Variants in POLN observed in about 807,000 individuals in gnomAD.
POLN encodes the protein DNA polymerase nu.
POLN carries 108 observed loss-of-function variants against 113.5 expected under a neutral mutation model. The ratio of observed to expected loss-of-function variants is 0.95; its 90% CI spans 0.81 to 1.12. The LOEUF (loss-of-function observed/expected upper bound fraction) is 1.12. Among genes scored for constraint, POLN ranks in the 50% most tolerant of loss-of-function variants. POLN has a pLI of 0.00. For synonymous variants in POLN, 386 were observed against 391.5 expected (o/e 0.99, Z 0.17); for missense variants, 1,097 against 1,077.1 (o/e 1.02, Z -0.26).
intron 2 of POLN, among the ~76,000 whole-genome samples, chr4:2,232,687 G>A (rs1734625808): frequency 6.6e-6 from 1 of 152,004 alleles, no homozygotes; most frequent in African/African-American, 2.4e-5. Flanking sequence ...GACATTCCAC[G>A]AAAACCATCC....
intron 14 of POLN, 119 bp downstream of exon 14, chr4:2,159,036 T>C: frequency 2.5e-6 from 2 of 784,968 alleles, no homozygotes; most frequent in Non-Finnish European, 4.4e-6. Flanking sequence ...CAAAACTCTA[T>C]TCCCCTGAGA....
chr4:2,091,854 C>G (rs1730674785), intron 20 of POLN, among the ~76,000 whole-genome samples: 1 of 152,110 alleles, frequency 6.6e-6, no homozygotes. Context: ...CCTTCACTCC[C>G]TTTTCTCCGA....
chr4:2,131,998 C>T (rs1259705825), intron 16 of POLN, among the ~76,000 whole-genome samples: 1 of 152,192 alleles, frequency 6.6e-6, no homozygotes, highest in African/African-American at 2.4e-5. Flanking sequence ...GGTCTTGACT[C>T]CCTGGCTAAA....
intron 16 of POLN, among the ~76,000 whole-genome samples, chr4:2,136,182 T>C (rs1731852982): frequency 6.6e-6 from 1 of 152,206 alleles, no homozygotes; most frequent in Non-Finnish European, 1.5e-5. Flanking sequence ...GAGCACACAG[T>C]AACGCAATCA....
chr4:2,138,079 C>T (rs146214286), intron 16 of POLN, among the ~76,000 whole-genome samples: 528 of 152,292 alleles, frequency 3.5e-3, no homozygotes, highest in African/African-American at 0.011. Flanking sequence ...CCTTGTGATC[C>T]GCCCACCTCA....
At chr4:2,102,835 C>A (rs1003351325) in intron 19 of POLN, among the ~76,000 whole-genome samples, 2 of 152,192 alleles carry the variant, frequency 1.3e-5, no homozygotes, top group Non-Finnish European at 1.5e-5. Flanking sequence ...AGAAATCATA[C>A]AGAGTCTTCA....
chr4:2,176,453 TG>T, intron 8 of POLN, 119 bp from the exon 9 acceptor site: 1 of 722,292 alleles, frequency 1.4e-6, no homozygotes, highest in Non-Finnish European at 2.2e-6. Flanking sequence ...AGGTTTTCAA[TG>T]GCAGATGTCA....
At chr4:2,132,731 T>C (rs964983099) in intron 16 of POLN, among the ~76,000 whole-genome samples, 4 of 152,350 alleles carry the variant, frequency 2.6e-5, no homozygotes, top group African/African-American at 9.6e-5. Flanking sequence ...CTCAGAGCTC[T>C]TTATTCTATC....
At chr4:2,172,629 AT>A (rs1732891728) in intron 11 of POLN, among the ~76,000 whole-genome samples, 1 of 152,188 alleles carries the variant, frequency 6.6e-6, no homozygotes, top group Non-Finnish European at 1.5e-5. Flanking sequence ...TCATAATGAG[AT>A]ATCATTATAG....
intron 11 of POLN, among the ~76,000 whole-genome samples, chr4:2,172,223 GAAAAAC>G (rs941793584): frequency 6.6e-6 from 1 of 152,098 alleles, no homozygotes; most frequent in African/African-American, 2.4e-5. Flanking sequence ...CTGAAATGCT[GAAAAAC>G]AAAAACAAAA....
In POLN at chr4:2,217,885, C is replaced by G. The variant is rs80098615; in HGVS notation, c.134-4759G>C. On this transcript the variant is annotated intron_variant, in intron 3 of 25. Transcript: ENST00000511885. ...AATGTGGAATATGCTGCCTCCACTCCCTAAACCCAGAGATGCCTATCAGGT... is the reference window on the plus strand; with the variant it reads ...AATGTGGAATATGCTGCCTCCACTCGCTAAACCCAGAGATGCCTATCAGGT... Among the ~76,000 whole-genome samples the G allele has an allele frequency of 2.2e-3, 337 of 152,336 alleles. 4 individuals carry two copies. Among genetic ancestry groups the G allele is most frequent in the African/African-American group, 7.7e-3 (319 of 41,576 alleles).
intron 20 of POLN, among the ~76,000 whole-genome samples, chr4:2,088,562 T>A (rs965257122): frequency 2.0e-5 from 3 of 152,174 alleles, no homozygotes; most frequent in Non-Finnish European, 2.9e-5. Context: ...TTAAAAAAAA[T>A]TCAGTGCAAA....
At chr4:2,204,919 T>C (rs748173284) in intron 5 of POLN, among the ~76,000 whole-genome samples, 6 of 152,154 alleles carry the variant, frequency 3.9e-5, no homozygotes, top group South Asian at 4.1e-4. Flanking sequence ...CTCAGCACAA[T>C]TGGCATACAA....
In POLN at chr4:2,126,356, T is replaced by C. The variant is rs1731579018; in HGVS notation, c.1982+1757A>G. On this transcript the variant is annotated intron_variant, in intron 19 of 25. Coordinates refer to ENST00000511885, the MANE Select transcript of POLN (RefSeq NM_181808.4). The surrounding 1 kb of genome is among the most constrained non-coding windows in gnomAD (Gnocchi z 4.6). ...AAGTAAGAGTCCTGTGGTGGTAGCC[T>C]TTTTGGAGAGATTTTCTGATTCAAA... 6.6e-6 allele frequency among the ~76,000 whole-genome samples: 1 copy of C among 152,214 alleles called. No individual in the cohort carries two copies.
chr4:2,159,324 C>G (rs1217392614), intron 13 of POLN, 113 bp from the exon 14 acceptor site: 9 of 909,298 alleles, frequency 9.9e-6, no homozygotes, highest in Non-Finnish European at 6.7e-6. Flanking sequence ...GCATATTTTC[C>G]AAAATAAAGA....
intron 23 of POLN, chr4:2,080,736 C>T (rs955681903): frequency 2.1e-6 from 3 of 1,425,250 alleles, no homozygotes; most frequent in Non-Finnish European, 2.8e-6. Flanking sequence ...GCATTTCTGT[C>T]TGGAGAGGCC....
intron 3 of POLN, among the ~76,000 whole-genome samples, chr4:2,220,769 AC>A (rs1291571207): frequency 2.0e-5 from 3 of 152,214 alleles, no homozygotes; most frequent in African/African-American, 7.2e-5. Flanking sequence ...CAGGCCCAGT[AC>A]TTTTCGACAG....
chr4:2,196,789 T>G (rs1733586722), intron 6 of POLN, among the ~76,000 whole-genome samples: 1 of 152,204 alleles, frequency 6.6e-6, no homozygotes, highest in South Asian at 2.1e-4. Context: ...CCTGGGTGGA[T>G]GTATATACTA....
At chr4:2,138,308 G>A (rs531855825) in intron 16 of POLN, among the ~76,000 whole-genome samples, 35 of 152,380 alleles carry the variant, frequency 2.3e-4, no homozygotes, top group African/African-American at 8.2e-4. Context: ...GAGGAGACCA[G>A]ACATTAGTTA....
Sources: allele counts gnomAD v4.1 joint callset (sites outside exome capture counted in the v4.1 genomes callset), GRCh38; gene constraint gnomAD v4.1.1; non-coding constraint Gnocchi (gnomAD v3.1); transcripts MANE v1.5; gene names NCBI Gene and HGNC (gene_info 2026-07-23, HGNC 2026-07-21).